Variants in EPHB1 observed in about 807,000 individuals in gnomAD.
EPHB1 encodes ephrin type-B receptor 1.
Under a neutral mutation model 94.4 loss-of-function variants are expected in EPHB1, and 30 were observed. The ratio of observed to expected loss-of-function variants is 0.32; its 90% confidence interval spans 0.24 to 0.43. The LOEUF (loss-of-function observed/expected upper bound fraction) is 0.43. Ranked by LOEUF, EPHB1 falls within the 20% of genes least tolerant of loss-of-function variation. EPHB1 has a pLI of 1.00. For synonymous variants in EPHB1, 522 were observed against 489.1 expected (o/e 1.07, Z -0.89); for missense variants, 1,055 against 1,308.3 (o/e 0.81, Z 2.99).
chr3:135,147,080 G>C (rs1050497525), intron 5 of EPHB1, among the ~76,000 whole-genome samples: 3 of 152,240 alleles, frequency 2.0e-5, no homozygotes, highest in Non-Finnish European at 4.4e-5. Context: ...GCAAATGGCA[G>C]AGCCAGAATA....
At chr3:135,211,727 A>G (rs907343560) in intron 12 of EPHB1, among the ~76,000 whole-genome samples, 3 of 152,276 alleles carry the variant, frequency 2.0e-5, no homozygotes, top group Admixed American at 2.0e-4. Context: ...ATATTCGTAT[A>G]CGCATTGTGT....
chr3:134,962,782 C>T (rs1391482283), intron 3 of EPHB1, among the ~76,000 whole-genome samples: 1 of 152,060 alleles, frequency 6.6e-6, no homozygotes, highest in African/African-American at 2.4e-5. Context: ...ATCGCCAGCC[C>T]TCTGCCCTCC....
chr3:135,071,040 C>T (rs1173949095), intron 3 of EPHB1, among the ~76,000 whole-genome samples: 1 of 152,192 alleles, frequency 6.6e-6, no homozygotes, highest in Non-Finnish European at 1.5e-5. Context: ...AACCTGGAAG[C>T]TTTTATGGAA....
intron 3 of EPHB1, among the ~76,000 whole-genome samples, chr3:135,019,850 A>T (rs1316088866): frequency 6.6e-6 from 1 of 152,246 alleles, no homozygotes; most frequent in Non-Finnish European, 1.5e-5. Context: ...AATGTTGTGA[A>T]CAACTTCATT....
intron 12 of EPHB1, among the ~76,000 whole-genome samples, chr3:135,236,360 C>A (rs1356325242): frequency 6.6e-6 from 1 of 151,956 alleles, no homozygotes; most frequent in Non-Finnish European, 1.5e-5. Flanking sequence ...TAGGGCTCAT[C>A]CTAATCCAGT....
At chr3:135,191,176 A>G (rs1165880401) in intron 10 of EPHB1, among the ~76,000 whole-genome samples, 1 of 152,116 alleles carries the variant, frequency 6.6e-6, no homozygotes, top group Non-Finnish European at 1.5e-5. Context: ...AGGAAAAAGA[A>G]CAGCCCCCCC....
intron 4 of EPHB1, among the ~76,000 whole-genome samples, chr3:135,122,652 G>A (rs749987372): frequency 7.2e-5 from 11 of 152,176 alleles, no homozygotes; most frequent in Admixed American, 2.0e-4. Context: ...TAGACTCTCA[G>A]ACTTGAGCTC....
rs568248522 is a variant in EPHB1 at position 134,919,809 on chromosome 3, A to T, written c.59-6007A>T. 1.1e-4 allele frequency among the ~76,000 whole-genome samples: 16 copies of T among 150,834 alleles called. No homozygotes were observed. In the South Asian group the frequency reaches 3.4e-3, roughly 32 times the overall value. ...TGGGGGGTATTATTTAATATATCCC[A>T]CTCTTGCCAGTATGGACTGTCTTAG... On this transcript the variant is annotated intron_variant, in intron 1 of 15. Coordinates refer to ENST00000398015, the MANE Select transcript of EPHB1 (RefSeq NM_004441.5).
chr3:135,230,397 TCTAGGAGAGCAA>T lies in EPHB1; in HGVS notation c.2347-10750_2347-10739del, dbSNP rs762922790. ...TCTGTTCATTATCAGTACCCCACCA[TCTAGGAGAGCAA>T]AGTGTCTAGAGAAGCTAAAGCCCTT... On this transcript the variant is annotated intron_variant, in intron 12 of 15. Coordinates refer to ENST00000398015, the MANE Select transcript of EPHB1 (RefSeq NM_004441.5). Among the ~76,000 whole-genome samples the T allele has an allele frequency of 3.1e-3, 468 of 152,120 alleles. 1 individual carries two copies. The highest frequency in any genetic ancestry group is 5.2e-3 in the Non-Finnish European group (353 of 67,976).
chr3:134,860,217 A>G (rs2037224713), intron 1 of EPHB1, among the ~76,000 whole-genome samples: 1 of 132,212 alleles, frequency 7.6e-6, no homozygotes, highest in Non-Finnish European at 1.7e-5. Context: ...GGGCACAGGG[A>G]TCAGCTGACC....
chr3:134,846,765 G>A (rs1056968173), intron 1 of EPHB1, among the ~76,000 whole-genome samples: 2 of 152,096 alleles, frequency 1.3e-5, no homozygotes, highest in Non-Finnish European at 2.9e-5. Flanking sequence ...ATGCTCAGGT[G>A]GGATGGACCC....
intron 3 of EPHB1, among the ~76,000 whole-genome samples, chr3:135,059,028 T>C (rs1406079226): frequency 1.3e-5 from 2 of 152,218 alleles, no homozygotes; most frequent in Non-Finnish European, 2.9e-5. Context: ...TCACTCAAGC[T>C]TGTGAAAATC....
intron 1 of EPHB1, among the ~76,000 whole-genome samples, chr3:134,854,277 A>G (rs949590589): frequency 6.6e-6 from 1 of 152,130 alleles, no homozygotes; most frequent in African/African-American, 2.4e-5. Flanking sequence ...GTGGAGGAAT[A>G]GGATTCTGCT....
In EPHB1 at chr3:135,249,508, T is replaced by C; in HGVS notation, c.2846+17T>C. ...GACATCAGAGTAAGTGATGAGAATC[T>C]CTCTGTCCAGACCACACCTAGGGGT... On this transcript the variant is annotated intron_variant, in intron 15 of 15. Coordinates refer to ENST00000398015, the MANE Select transcript of EPHB1 (RefSeq NM_004441.5). 6.2e-7 allele frequency: 1 copy of C among 1,610,420 alleles called. No homozygotes were observed. Among genetic ancestry groups the C allele is most frequent in the Non-Finnish European group, 8.5e-7 (1 of 1,178,002 alleles).
intron 12 of EPHB1, among the ~76,000 whole-genome samples, chr3:135,206,049 A>AC: frequency 6.6e-6 from 1 of 152,210 alleles, no homozygotes; most frequent in Non-Finnish European, 1.5e-5. Context: ...CCACATCCAT[A>AC]CCCAGAGGCA....
intron 2 of EPHB1, among the ~76,000 whole-genome samples, chr3:134,939,694 C>G (rs2039078351): frequency 2.0e-5 from 3 of 152,144 alleles, no homozygotes; most frequent in Admixed American, 2.0e-4. Flanking sequence ...AGTGGTGGCT[C>G]CAGCCCAGCC....
chr3:135,121,667 C>T (rs1002542944), intron 4 of EPHB1, among the ~76,000 whole-genome samples: 4 of 152,052 alleles, frequency 2.6e-5, no homozygotes, highest in African/African-American at 7.3e-5. Context: ...GTGCTGTGAG[C>T]AGGGCTTGGC....
At chr3:135,204,403 G>A (rs186063382) in intron 12 of EPHB1, among the ~76,000 whole-genome samples, 2 of 151,956 alleles carry the variant, frequency 1.3e-5, no homozygotes, top group African/African-American at 2.4e-5. Flanking sequence ...ATGGGTTTTC[G>A]CCATGTTGGC....
At chr3:134,815,299 A>C (rs1438233296) in intron 1 of EPHB1, among the ~76,000 whole-genome samples, 1 of 152,150 alleles carries the variant, frequency 6.6e-6, no homozygotes, top group Non-Finnish European at 1.5e-5. Context: ...ATATTGAGGA[A>C]TTAAGGAGTA....
Sources: gnomAD v4.1 joint callset for allele counts (sites outside exome capture counted in the v4.1 genomes callset) on GRCh38, gnomAD v4.1.1 for gene constraint, MANE v1.5 for transcripts, NCBI Gene and HGNC (gene_info 2026-07-23, HGNC 2026-07-21) for gene names.